CLTCL1: variants seen among roughly 807,000 people sequenced by gnomAD.
CLTCL1 encodes clathrin heavy chain 2.
CLTCL1 carries 159 observed loss-of-function variants against 190.0 expected under a neutral mutation model. The ratio of observed to expected loss-of-function variants is 0.84; its 90% CI spans 0.74 to 0.95. The LOEUF (loss-of-function observed/expected upper bound fraction) is 0.95. CLTCL1 is among the 40% of genes least tolerant of loss of function. CLTCL1 has a pLI of 0.00. For synonymous variants in CLTCL1, 752 were observed against 769.6 expected, an observed-to-expected ratio of 0.98 and a Z score of 0.38; for missense variants, 1,878 against 2,033.4, an observed-to-expected ratio of 0.92 and a Z score of 1.47.
chr22:19,183,102 G>A lies in CLTCL1; in HGVS notation c.4827+288C>T. 1.2e-5 allele frequency: 5 copies of A among 412,088 alleles called. No homozygotes were observed. In the South Asian group the frequency reaches 1.2e-4, roughly 10 times the overall value. The allele number at this position is 412,088 out of a possible 1,614,324, so 25.5% of individuals were successfully genotyped here. On this transcript the variant is annotated intron_variant, in intron 30 of 32. Coordinates refer to ENST00000427926, the MANE Select transcript of CLTCL1 (RefSeq NM_007098.4). ...TCCAGGGCTGGGGATGAGCACGCCT[G>A]TTGTGCTCCTAGCAGTGTGCACATT...
At chr22:19,187,512 C>A in intron 29 of CLTCL1, 46 bp downstream of exon 29, 1 of 1,580,626 alleles carries the variant, frequency 6.3e-7, no homozygotes, top group Non-Finnish European at 8.6e-7. Flanking sequence ...CATCAGGAAA[C>A]ACACCAAGGC....
At chr22:19,253,701 C>T (rs1354841945) in intron 3 of CLTCL1, among the ~76,000 whole-genome samples, 3 of 149,810 alleles carry the variant, frequency 2.0e-5, no homozygotes, top group Non-Finnish European at 4.5e-5. Flanking sequence ...ATACCTATAA[C>T]CAACTTTTTT....
At chr22:19,232,846 A>G (rs888912241) in intron 9 of CLTCL1, 112 of 584,718 alleles carry the variant, frequency 1.9e-4, no homozygotes, top group Non-Finnish European at 2.7e-4. Context: ...GTGTGCAAAC[A>G]CAGCCTGCCA....
chr22:19,211,560 A>G (rs1231793968), intron 19 of CLTCL1, among the ~76,000 whole-genome samples: 2 of 152,210 alleles, frequency 1.3e-5, no homozygotes, highest in African/African-American at 4.8e-5. Flanking sequence ...CAAGGTCAGG[A>G]TATCAAGACC....
chr22:19,207,009 A>C (rs536366963), intron 22 of CLTCL1, among the ~76,000 whole-genome samples: 18 of 109,188 alleles, frequency 1.6e-4, no homozygotes, highest in African/African-American at 5.5e-4. Flanking sequence ...ATAAACTACT[A>C]ATTTTTTTTT....
chr22:19,248,358 G>C (rs1555968755), intron 3 of CLTCL1, among the ~76,000 whole-genome samples: 1 of 152,092 alleles, frequency 6.6e-6, no homozygotes, highest in African/African-American at 2.4e-5. Context: ...GCTATTGCTA[G>C]TGTATTTTAT....
chr22:19,219,240 T>G (rs770529569), intron 18 of CLTCL1, among the ~76,000 whole-genome samples: 1 of 152,088 alleles, frequency 6.6e-6, no homozygotes, highest in African/African-American at 2.4e-5. Flanking sequence ...CAGGCTGGAG[T>G]GCAGTGGCGT....
At chr22:19,211,299 A>C (rs1362811525) in intron 19 of CLTCL1, among the ~76,000 whole-genome samples, 4 of 152,228 alleles carry the variant, frequency 2.6e-5, no homozygotes, top group African/African-American at 9.6e-5. Flanking sequence ...CACTGTTAAC[A>C]TCATAAGTAA....
chr22:19,216,158 TTCAA>T lies in CLTCL1; in HGVS notation c.3014_3017del (p.Ile1005AsnfsTer6). On this transcript the variant is annotated frameshift_variant, in exon 19 of 33. Coordinates refer to ENST00000427926, the MANE Select transcript of CLTCL1 (RefSeq NM_007098.4). LOFTEE classifies it high-confidence loss of function. ...TATCCAGAACTATCTTCTCCAGCAG[TTCAA>T]TCAGTTCATTAGGCAGGTCGGCTGT... 1 of 1,613,946 alleles carries T rather than the reference TTCAA, an allele frequency of 6.2e-7. No homozygotes were observed. Among genetic ancestry groups the T allele is most frequent in the Non-Finnish European group, 8.5e-7 (1 of 1,179,832 alleles).
Position 19,230,097 on chromosome 22 carries a change from G to GTTTTTTTTTTTTTTTTTTTTTT in CLTCL1, c.1645-123_1645-122insAAAAAAAAAAAAAAAAAAAAAA, listed in dbSNP as rs374875733. 1.5e-5 allele frequency: 8 copies of GTTTTTTTTTTTTTTTTTTTTTT among 530,318 alleles called. 4 individuals are homozygous for GTTTTTTTTTTTTTTTTTTTTTT. The highest frequency in any genetic ancestry group is 1.1e-5 in the Non-Finnish European group (4 of 361,860). 32.9% of individuals were successfully genotyped at this position (530,318 alleles called of 1,614,324 possible). A position where few individuals can be genotyped will look rare whatever the true frequency, so the allele number is the denominator to read the frequency against. On this transcript the variant is annotated intron_variant, in intron 10 of 32. Transcript: ENST00000427926. ...AATTCAGCAATTAGTTCCCTCCCTTGGTTTTTTTTTTTTTTTTGAGATGGA... is the reference window on the plus strand; with the variant it reads ...AATTCAGCAATTAGTTCCCTCCCTTGTTTTTTTTTTTTTTTTTTTTTTGTTTTTTTTTTTTTTTTGAGATGGA...
At chr22:19,191,269 A>G in intron 27 of CLTCL1, 35 bp downstream of exon 27, 6 of 1,613,586 alleles carry the variant, frequency 3.7e-6, no homozygotes, top group Non-Finnish European at 5.1e-6. Flanking sequence ...AGCTAGCCCA[A>G]TACACTCTTC....
intron 5 of CLTCL1, chr22:19,238,537 G>T: frequency 4.6e-6 from 1 of 217,598 alleles, no homozygotes; most frequent in South Asian, 8.2e-5. Context: ...AGCACACACG[G>T]AACCACCACA....
rs782644064 is a variant in CLTCL1 at position 19,235,730 on chromosome 22, G to A, written c.935C>T (p.Thr312Ile). The change falls in exon 6 of 33, where the codon ACC becomes ATC. Residue 312 changes from threonine (T) to isoleucine (I), a missense_variant. Thr to Ile is a moderately conservative substitution (Grantham distance 89). Coordinates refer to ENST00000427926, the MANE Select transcript of CLTCL1 (RefSeq NM_007098.4). ...TTTGTTGACACCAATAATTCCAGAG[G>A]TTGGTTTGTGTGGAGCAGTGACAAA... ...TIFVTAPHKP[T>I]SGIIGVNKKG... 8.1e-6 allele frequency: 13 copies of A among 1,613,596 alleles called. No individual in the cohort carries two copies. The highest frequency in any genetic ancestry group is 3.3e-5 in the South Asian group (3 of 90,896).
chr22:19,269,798 AG>A lies in CLTCL1; in HGVS notation c.250+5824del, dbSNP rs1288085557. Among the ~76,000 whole-genome samples the A allele has an allele frequency of 2.6e-5, 4 of 152,100 alleles. 1 individual carries two copies. The highest frequency in any genetic ancestry group is 2.6e-4 in the Admixed American group (4 of 15,258). On this transcript the variant is annotated intron_variant, in intron 2 of 32. Coordinates refer to ENST00000427926, the MANE Select transcript of CLTCL1 (RefSeq NM_007098.4). The stretch of plus-strand genomic sequence containing the variant: ...CCTGTCAGGGGAGTGGGGGGCGAAG[AG>A]AGAGAGAGCATCAGGACAAAGTTAA...
At chr22:19,262,316 G>A (rs1360092855) in intron 2 of CLTCL1, among the ~76,000 whole-genome samples, 5 of 150,694 alleles carry the variant, frequency 3.3e-5, no homozygotes, top group East Asian at 4.1e-4. Context: ...ATAAGCCACC[G>A]CACCCAGCCT....
intron 15 of CLTCL1, among the ~76,000 whole-genome samples, 158 bp downstream of exon 15, chr22:19,222,526 T>C (rs191127375): frequency 7.2e-4 from 110 of 152,340 alleles, no homozygotes; most frequent in African/African-American, 2.6e-3. Context: ...CTGCCTGGAC[T>C]GTGGTCTTCT....
chr22:19,273,053 C>A (rs1334017948), intron 2 of CLTCL1, among the ~76,000 whole-genome samples: 2 of 151,990 alleles, frequency 1.3e-5, no homozygotes, highest in East Asian at 1.9e-4. Context: ...AGCACCCCCC[C>A]ACACACCCTG....
chr22:19,182,738 TG>T (rs1328848578), intron 30 of CLTCL1: 1 of 152,290 alleles, frequency 6.6e-6, no homozygotes, highest in Non-Finnish European at 1.5e-5. Flanking sequence ...TAGATGCTAC[TG>T]GAAGTAGCTT....
In CLTCL1 at chr22:19,249,577, T is replaced by C. The variant is rs181386796; in HGVS notation, c.519+4382A>G. 2.5e-3 allele frequency among the ~76,000 whole-genome samples: 381 copies of C among 151,656 alleles called. 2 individuals are homozygous for C. Among genetic ancestry groups the C allele is most frequent in the Non-Finnish European group, 3.4e-3 (234 of 67,904 alleles). On this transcript the variant is annotated intron_variant, in intron 3 of 32. Coordinates refer to ENST00000427926, the MANE Select transcript of CLTCL1 (RefSeq NM_007098.4). ...CAGGCATGGTGGTGCACATCTATAA[T>C]CCCAGCTACCTGGAAGGCTGAGATA...
Sources: gnomAD v4.1 joint callset for allele counts (sites outside exome capture counted in the v4.1 genomes callset) on GRCh38, gnomAD v4.1.1 for gene constraint, MANE v1.5 for transcripts, NCBI Gene and HGNC (gene_info 2026-07-23, HGNC 2026-07-21) for gene names.